Variants in PTPRR observed in about 807,000 individuals in gnomAD.
The protein encoded by PTPRR is protein tyrosine phosphatase receptor type R, also known as receptor-type tyrosine-protein phosphatase R.
PTPRR carries 38 observed loss-of-function variants against 77.2 expected under a neutral mutation model. The observed-to-expected ratio is 0.49, with a 90% confidence interval of 0.38 to 0.65. PTPRR has a LOEUF of 0.65. Among genes scored for constraint, PTPRR ranks in the 30% least tolerant of loss-of-function variants. The pLI, the probability that PTPRR is intolerant of heterozygous loss-of-function variation, is 0.00. For synonymous variants in PTPRR, 299 were observed against 283.1 expected (o/e 1.06, Z -0.57); for missense variants, 744 against 799.2 (o/e 0.93, Z 0.83).
intron 2 of PTPRR, among the ~76,000 whole-genome samples, chr12:70,869,961 C>G (rs1437736359): frequency 6.6e-6 from 1 of 152,180 alleles, no homozygotes; most frequent in Non-Finnish European, 1.5e-5. Flanking sequence ...CACAGCCATA[C>G]AGAAGTTCAC....
chr12:70,653,990 T>C (rs1297387982), intron 13 of PTPRR, among the ~76,000 whole-genome samples: 2 of 152,190 alleles, frequency 1.3e-5, no homozygotes, highest in African/African-American at 4.8e-5. Context: ...TAGAGGCTAC[T>C]GTCTAAAAAG....
At chr12:70,800,030 C>G (rs1891585568) in intron 2 of PTPRR, among the ~76,000 whole-genome samples, 1 of 152,142 alleles carries the variant, frequency 6.6e-6, no homozygotes, top group Non-Finnish European at 1.5e-5. Flanking sequence ...ACCTATTTAC[C>G]TGGAGGTGCA....
At chr12:70,684,027 T>G (rs1887768202) in intron 10 of PTPRR, 100 bp downstream of exon 10, 6 of 1,293,094 alleles carry the variant, frequency 4.6e-6, no homozygotes, top group African/African-American at 1.5e-5. Flanking sequence ...GTCTCAGAGT[T>G]TCCATCTTAA....
intron 6 of PTPRR, among the ~76,000 whole-genome samples, chr12:70,720,400 A>G (rs932192418): frequency 2.0e-5 from 3 of 152,124 alleles, no homozygotes; most frequent in African/African-American, 7.2e-5. Context: ...CTTGTACAGT[A>G]CCTGGCATAT....
At chr12:70,678,002 T>G (rs933618894) in intron 10 of PTPRR, among the ~76,000 whole-genome samples, 2 of 152,162 alleles carry the variant, frequency 1.3e-5, no homozygotes, top group African/African-American at 2.4e-5. Context: ...TTGGTAGAAT[T>G]CATTGGTGAA....
intron 2 of PTPRR, among the ~76,000 whole-genome samples, chr12:70,877,177 C>T (rs953725771): frequency 2.4e-4 from 37 of 152,170 alleles, no homozygotes; most frequent in African/African-American, 8.9e-4. Context: ...GGGCTTCGGT[C>T]AGGCCAGCAC....
chr12:70,651,520 C>T (rs561286482), intron 13 of PTPRR, among the ~76,000 whole-genome samples: 15 of 152,210 alleles, frequency 9.9e-5, no homozygotes, highest in South Asian at 4.1e-4. Flanking sequence ...AGGCAGTTGC[C>T]GACAACGTCA....
chr12:70,717,760 C>T (rs1026367108), intron 6 of PTPRR, among the ~76,000 whole-genome samples: 2 of 152,094 alleles, frequency 1.3e-5, no homozygotes, highest in African/African-American at 4.8e-5. Context: ...CGGGCATTTC[C>T]TGTGTGCATG....
At chr12:70,823,103 T>TGA (rs1417437415) in intron 2 of PTPRR, among the ~76,000 whole-genome samples, 135 of 121,490 alleles carry the variant, frequency 1.1e-3, no homozygotes, top group Admixed American at 3.9e-3. Flanking sequence ...GCTGTCTCTC[T>TGA]CTCTGACACA....
intron 6 of PTPRR, among the ~76,000 whole-genome samples, chr12:70,702,740 C>T (rs2136787318): frequency 6.6e-6 from 1 of 152,224 alleles, no homozygotes; most frequent in African/African-American, 2.4e-5. Flanking sequence ...TTAATTTCTA[C>T]TTTAATTTGA....
intron 2 of PTPRR, among the ~76,000 whole-genome samples, chr12:70,869,804 C>T (rs951190874): frequency 3.9e-5 from 6 of 152,156 alleles, no homozygotes; most frequent in East Asian, 1.9e-4. Context: ...CTAGAATCTC[C>T]GGAAGGAATT....
intron 10 of PTPRR, among the ~76,000 whole-genome samples, chr12:70,676,368 T>C (rs892379221): frequency 2.6e-5 from 4 of 152,018 alleles, no homozygotes; most frequent in Non-Finnish European, 4.4e-5. Context: ...TTTTGGATAG[T>C]AACTTGTTCC....
intron 2 of PTPRR, 139 bp downstream of exon 2, chr12:70,892,540 T>C: frequency 2.0e-6 from 2 of 1,021,000 alleles, no homozygotes; most frequent in Non-Finnish European, 2.8e-6. Flanking sequence ...AAATTAGAAG[T>C]ACCACAGAAT....
intron 13 of PTPRR, among the ~76,000 whole-genome samples, chr12:70,645,685 T>C (rs1886170268): frequency 6.6e-6 from 1 of 152,200 alleles, no homozygotes; most frequent in South Asian, 2.1e-4. Flanking sequence ...CAGAGAGGAT[T>C]CAGATATACT....
intron 2 of PTPRR, among the ~76,000 whole-genome samples, chr12:70,826,630 A>C (rs1892113746): frequency 6.6e-6 from 1 of 152,224 alleles, no homozygotes; most frequent in African/African-American, 2.4e-5. Context: ...GCACGTGTAA[A>C]CTTGTCAATC....
At chr12:70,761,411 A>G in intron 4 of PTPRR, 60 bp downstream of exon 4, 2 of 1,406,436 alleles carry the variant, frequency 1.4e-6, no homozygotes, top group South Asian at 3.4e-5. Flanking sequence ...TTGGGGTTGA[A>G]TTACCATAGC....
chr12:70,835,968 A>T (rs1365896653), intron 2 of PTPRR, among the ~76,000 whole-genome samples: 1 of 152,026 alleles, frequency 6.6e-6, no homozygotes, highest in Non-Finnish European at 1.5e-5. Context: ...TCTGTTAACA[A>T]GCTCTCCCTC....
chr12:70,866,952 T>C (rs1241063419), intron 2 of PTPRR, among the ~76,000 whole-genome samples: 2 of 151,666 alleles, frequency 1.3e-5, no homozygotes, highest in Non-Finnish European at 2.9e-5. Flanking sequence ...TCTCAATAGA[T>C]GCAGAAAAGG....
At chr12:70,803,123 G>A (rs916841231) in intron 2 of PTPRR, among the ~76,000 whole-genome samples, 80 of 152,246 alleles carry the variant, frequency 5.3e-4, no homozygotes, top group African/African-American at 1.9e-3. Context: ...TTGATTCAGG[G>A]TATGTGAAGA....
Sources: allele counts gnomAD v4.1 joint callset (sites outside exome capture counted in the v4.1 genomes callset), GRCh38; gene constraint gnomAD v4.1.1; transcripts MANE v1.5; gene names NCBI Gene and HGNC (gene_info 2026-07-23, HGNC 2026-07-21).